Variants in MACROD2 observed in about 807,000 individuals in gnomAD.
MACROD2 encodes ADP-ribose glycohydrolase MACROD2.
Under a neutral mutation model 70.4 loss-of-function variants are expected in MACROD2, and 36 were observed. The observed-to-expected ratio is 0.51, with a 90% CI of 0.39 to 0.68. The LOEUF (loss-of-function observed/expected upper bound fraction) is 0.68, where lower values mean the gene tolerates loss of function less well. Among genes scored for constraint, MACROD2 ranks in the 30% least tolerant of loss-of-function variants. MACROD2 has a pLI of 0.00. For missense variants in MACROD2, 496 were observed against 538.4 expected, an observed-to-expected ratio of 0.92 and a Z score of 0.78; for synonymous variants, 172 against 178.8, an observed-to-expected ratio of 0.96 and a Z score of 0.30.
intron 6 of MACROD2, among the ~76,000 whole-genome samples, chr20:15,407,924 C>T (rs1018994335): frequency 6.6e-6 from 1 of 152,142 alleles, no homozygotes; most frequent in Non-Finnish European, 1.5e-5. Flanking sequence ...GTGATTTCCT[C>T]AGGGTCACAC....
At chr20:15,095,684 A>AT (rs1189588768) in intron 5 of MACROD2, among the ~76,000 whole-genome samples, 2 of 151,354 alleles carry the variant, frequency 1.3e-5, no homozygotes, top group East Asian at 2.0e-4. Context: ...CGCCTGGCTA[A>AT]TTTTTTGTAT....
At chr20:14,117,139 C>T (rs2054526181) in intron 3 of MACROD2, among the ~76,000 whole-genome samples, 1 of 152,050 alleles carries the variant, frequency 6.6e-6, no homozygotes, top group Admixed American at 6.6e-5. Flanking sequence ...TTGTATTCCC[C>T]CTCAACAATA....
chr20:14,086,480 A>G (rs533500599), intron 3 of MACROD2, among the ~76,000 whole-genome samples: 1 of 152,312 alleles, frequency 6.6e-6, no homozygotes, highest in South Asian at 2.1e-4. Context: ...AGGTAAGGAG[A>G]GGCTTTATCT....
At chr20:15,364,854 A>G (rs542438072) in intron 6 of MACROD2, among the ~76,000 whole-genome samples, 1 of 152,372 alleles carries the variant, frequency 6.6e-6, no homozygotes, top group East Asian at 1.9e-4. Context: ...AACCTAGTGT[A>G]GACAATGTGA....
At chr20:14,752,130 CA>C (rs2071880865) in intron 5 of MACROD2, among the ~76,000 whole-genome samples, 1 of 148,638 alleles carries the variant, frequency 6.7e-6, no homozygotes, top group African/African-American at 2.5e-5. Context: ...TAGTGTTATC[CA>C]TGATTCTGGA....
intron 8 of MACROD2, among the ~76,000 whole-genome samples, chr20:15,732,694 CTA>C (rs1413251746): frequency 6.6e-6 from 1 of 150,750 alleles, no homozygotes; most frequent in African/African-American, 2.4e-5. Flanking sequence ...TCATTGGACT[CTA>C]TTTGCTAATA....
intron 4 of MACROD2, among the ~76,000 whole-genome samples, chr20:14,668,216 G>A (rs1181611060): frequency 6.6e-6 from 1 of 152,130 alleles, no homozygotes; most frequent in African/African-American, 2.4e-5. Flanking sequence ...AAAACTTTGT[G>A]TAGCGTCCTT....
chr20:15,638,929 G>C (rs1698099382), intron 8 of MACROD2, among the ~76,000 whole-genome samples: 1 of 152,204 alleles, frequency 6.6e-6, no homozygotes, highest in Non-Finnish European at 1.5e-5. Flanking sequence ...GGTGTGAGTA[G>C]ACAGTTGGCT....
intron 4 of MACROD2, among the ~76,000 whole-genome samples, chr20:14,510,165 T>C (rs1000197519): frequency 6.6e-6 from 1 of 152,028 alleles, no homozygotes; most frequent in African/African-American, 2.4e-5. Flanking sequence ...GTTGTATAAA[T>C]TTATGGCAGC....
intron 5 of MACROD2, among the ~76,000 whole-genome samples, chr20:15,198,121 C>T (rs143833794): frequency 0.01 from 1,566 of 152,120 alleles, 25 homozygotes; most frequent in African/African-American, 0.036. Context: ...ACCACCACAC[C>T]GGCTAATTTC....
At chr20:16,029,361 AC>A in intron 15 of MACROD2, among the ~76,000 whole-genome samples, 1 of 152,312 alleles carries the variant, frequency 6.6e-6, no homozygotes, top group East Asian at 1.9e-4. Context: ...TGCATGTGAC[AC>A]CCACAACGAA....
chr20:14,710,120 C>A (rs1177033008), intron 5 of MACROD2, among the ~76,000 whole-genome samples: 1 of 152,110 alleles, frequency 6.6e-6, no homozygotes, highest in African/African-American at 2.4e-5. Context: ...GAAGATAATT[C>A]ACAACTTGAT....
chr20:15,617,773 T>C (rs1275501101), intron 8 of MACROD2, among the ~76,000 whole-genome samples: 1 of 152,182 alleles, frequency 6.6e-6, no homozygotes, highest in Non-Finnish European at 1.5e-5. Flanking sequence ...AGCTTCAGGC[T>C]GTGTAGTGCA....
chr20:15,364,133 A>G (rs1276909236), intron 6 of MACROD2, among the ~76,000 whole-genome samples: 1 of 152,352 alleles, frequency 6.6e-6, no homozygotes, highest in East Asian at 1.9e-4. Flanking sequence ...GAACTGAGTT[A>G]AACTAAGAAT....
intron 8 of MACROD2, among the ~76,000 whole-genome samples, chr20:15,855,333 T>A (rs1486001848): frequency 6.6e-6 from 1 of 152,170 alleles, no homozygotes; most frequent in Non-Finnish European, 1.5e-5. Flanking sequence ...TTAATAGATA[T>A]CTTGGTGAAA....
intron 3 of MACROD2, among the ~76,000 whole-genome samples, chr20:14,191,118 C>T (rs546631653): frequency 3.2e-4 from 49 of 152,230 alleles, no homozygotes; most frequent in African/African-American, 1.2e-3. Context: ...TACTTTACAT[C>T]TTGTGTACGT....
At position 15,239,037 on chromosome 20, in the gene MACROD2, A is replaced by G. The variant is rs368757580; in HGVS notation, c.540+8976A>G. Among the ~76,000 whole-genome samples, 6 of 152,318 alleles carry G rather than the reference A, an allele frequency of 3.9e-5. No individual in the cohort carries two copies. In the East Asian group the frequency reaches 7.7e-4, roughly 20 times the overall value. On this transcript the variant is annotated intron_variant, in intron 6 of 17. Coordinates refer to ENST00000684519, the MANE Select transcript of MACROD2 (RefSeq NM_001351661.2). ...TATTAGATCACTGTATCATGAGGAA[A>G]TAGTCAATTGAAGACACGGACCACA...
intron 8 of MACROD2, among the ~76,000 whole-genome samples, chr20:15,795,817 C>T (rs919547185): frequency 6.6e-6 from 1 of 152,142 alleles, no homozygotes; most frequent in African/African-American, 2.4e-5. Flanking sequence ...TGGGAACATC[C>T]GTTGGTGGCA....
intron 8 of MACROD2, among the ~76,000 whole-genome samples, chr20:15,666,187 G>A (rs1379231026): frequency 1.3e-5 from 2 of 152,162 alleles, no homozygotes; most frequent in Non-Finnish European, 2.9e-5. Flanking sequence ...ACACAGAGTG[G>A]CATATATCCC....
Sources: gnomAD v4.1 joint callset for allele counts (sites outside exome capture counted in the v4.1 genomes callset) on GRCh38, gnomAD v4.1.1 for gene constraint, MANE v1.5 for transcripts, NCBI Gene and HGNC (gene_info 2026-07-23, HGNC 2026-07-21) for gene names.